The following RIMS2 variants were observed in gnomAD, a reference collection of about 807,000 sequenced individuals.
RIMS2 encodes the protein regulating synaptic membrane exocytosis protein 2.
In RIMS2, 59 loss-of-function variants were observed where a neutral mutation model predicts 174.4. The ratio of observed to expected loss-of-function variants is 0.34; its 90% CI spans 0.27 to 0.42. The LOEUF (loss-of-function observed/expected upper bound fraction) is 0.42. Ranked by LOEUF, RIMS2 falls within the 10% of genes least tolerant of loss-of-function variation. The pLI is 1.00. For missense variants in RIMS2, 1,620 were observed against 1,666.3 expected (o/e 0.97, Z 0.48); for synonymous variants, 606 against 572.5 (o/e 1.06, Z -0.84).
At chr8:104,220,753 C>A (rs2511572) in intron 19 of RIMS2, among the ~76,000 whole-genome samples, 114,437 of 151,852 alleles carry the variant, frequency 0.75, 44,384 homozygotes, top group African/African-American at 0.94. Context: ...AGGCATGACC[C>A]CCACACCTGG....
intron 19 of RIMS2, among the ~76,000 whole-genome samples, chr8:104,160,697 C>T (rs1235113379): frequency 1.3e-4 from 20 of 152,104 alleles, no homozygotes; most frequent in Admixed American, 1.3e-3. Flanking sequence ...ATTATTCATA[C>T]ATTTATTCAT....
intron 19 of RIMS2, among the ~76,000 whole-genome samples, chr8:104,064,395 A>G (rs1003685851): frequency 6.6e-6 from 1 of 152,112 alleles, no homozygotes; most frequent in African/African-American, 2.4e-5. Context: ...ATTCCTGAAC[A>G]TCCACATATG....
intron 3 of RIMS2, among the ~76,000 whole-genome samples, chr8:103,883,750 C>T (rs1341123089): frequency 6.6e-6 from 1 of 151,714 alleles, no homozygotes; most frequent in African/African-American, 2.4e-5. Context: ...ATACAGAAGC[C>T]ATTATTGTCA....
chr8:103,601,970 ATTTTTATTATTTATTTATT>A (rs2094771379), intron 1 of RIMS2, among the ~76,000 whole-genome samples: 1 of 151,602 alleles, frequency 6.6e-6, no homozygotes, highest in Non-Finnish European at 1.5e-5. Flanking sequence ...ATGCTTTTTT[ATTTTTATTATTTATTTATT>A]TTTTTGAGAT....
chr8:103,794,737 GA>G (rs1378693354), intron 3 of RIMS2, among the ~76,000 whole-genome samples: 2 of 151,962 alleles, frequency 1.3e-5, no homozygotes, highest in Non-Finnish European at 2.9e-5. Context: ...AAATTTACAA[GA>G]AAAAAATCAA....
At chr8:104,224,493 A>G (rs945961525) in intron 19 of RIMS2, among the ~76,000 whole-genome samples, 11 of 152,226 alleles carry the variant, frequency 7.2e-5, no homozygotes, top group Non-Finnish European at 1.2e-4. Flanking sequence ...TGAAAATACA[A>G]TTTGTCAATC....
chr8:103,802,226 T>C (rs2098614651), intron 3 of RIMS2, among the ~76,000 whole-genome samples: 1 of 152,198 alleles, frequency 6.6e-6, no homozygotes, highest in Non-Finnish European at 1.5e-5. Context: ...AAGTCTCTCA[T>C]GCATTAACAA....
At chr8:103,867,557 G>C (rs996013868) in intron 3 of RIMS2, among the ~76,000 whole-genome samples, 1 of 151,732 alleles carries the variant, frequency 6.6e-6, no homozygotes, top group Non-Finnish European at 1.5e-5. Flanking sequence ...AATAGTTAAG[G>C]TAAAAAGCTA....
chr8:103,735,395 T>A lies in RIMS2; in HGVS notation c.388-30832T>A, dbSNP rs1266441610. 3.3e-5 allele frequency among the ~76,000 whole-genome samples: 5 copies of A among 152,168 alleles called. No individual in the cohort carries two copies. In the East Asian group the frequency reaches 9.6e-4, roughly 29 times the overall value. ...TCCAGAAATTCTATTTTATTTCATA[T>A]ATGTTTAATCCTTTTTGGTGTTTTT... On this transcript the variant is annotated intron_variant, in intron 2 of 23. Transcript: ENST00000504942.
intron 2 of RIMS2, among the ~76,000 whole-genome samples, chr8:103,731,780 T>C (rs941353458): frequency 1.3e-5 from 2 of 152,200 alleles, no homozygotes; most frequent in African/African-American, 4.8e-5. Flanking sequence ...AACTCCAGAA[T>C]TTCTGCTTGA....
At chr8:104,070,239 T>C (rs907233008) in intron 19 of RIMS2, among the ~76,000 whole-genome samples, 2 of 152,212 alleles carry the variant, frequency 1.3e-5, no homozygotes, top group African/African-American at 2.4e-5. Context: ...ACTACCAGTC[T>C]CTTCCCCAGA....
intron 19 of RIMS2, among the ~76,000 whole-genome samples, chr8:104,093,097 T>C (rs542711173): frequency 7.4e-4 from 113 of 152,158 alleles, no homozygotes; most frequent in African/African-American, 2.4e-3. Context: ...TGAAGCATAA[T>C]GGATTAATTG....
At chr8:104,080,869 C>A (rs1045658159) in intron 19 of RIMS2, among the ~76,000 whole-genome samples, 2 of 151,924 alleles carry the variant, frequency 1.3e-5, no homozygotes, top group African/African-American at 4.8e-5. Flanking sequence ...TAAAATAATA[C>A]TCCAGTCTGG....
At chr8:103,593,187 A>G (rs2094338181) in intron 1 of RIMS2, among the ~76,000 whole-genome samples, 1 of 151,492 alleles carries the variant, frequency 6.6e-6, no homozygotes, top group South Asian at 2.1e-4. Flanking sequence ...GTTCACTACC[A>G]TGAATGTGAC....
At chr8:103,914,252 T>A (rs1010761280) in intron 6 of RIMS2, among the ~76,000 whole-genome samples, 11 of 152,182 alleles carry the variant, frequency 7.2e-5, no homozygotes, top group Non-Finnish European at 1.5e-4. Flanking sequence ...ACAATTTTTT[T>A]AATCCAGATA....
chr8:104,247,900 A>T (rs2099344972), intron 20 of RIMS2, among the ~76,000 whole-genome samples: 1 of 152,230 alleles, frequency 6.6e-6, no homozygotes, highest in Non-Finnish European at 1.5e-5. Flanking sequence ...TGAGATTATC[A>T]AGGGAATTCA....
chr8:103,703,719 T>C (rs2097193488), intron 2 of RIMS2, among the ~76,000 whole-genome samples: 1 of 152,196 alleles, frequency 6.6e-6, no homozygotes, highest in Admixed American at 6.5e-5. Flanking sequence ...TTTAGTTAAG[T>C]TTATTCCTAG....
chr8:103,773,036 T>G (rs1358716709), intron 3 of RIMS2, among the ~76,000 whole-genome samples: 3 of 152,102 alleles, frequency 2.0e-5, no homozygotes, highest in African/African-American at 4.8e-5. Flanking sequence ...TGGTTTAGGC[T>G]AAAACTGTAA....
chr8:103,990,487 T>C (rs1421662212), intron 17 of RIMS2, among the ~76,000 whole-genome samples: 1 of 152,078 alleles, frequency 6.6e-6, no homozygotes, highest in African/African-American at 2.4e-5. Context: ...TTATTTTCTT[T>C]TAATTTGCTT....
Sources: allele counts gnomAD v4.1 joint callset (sites outside exome capture counted in the v4.1 genomes callset), GRCh38; gene constraint gnomAD v4.1.1; transcripts MANE v1.5; gene names NCBI Gene and HGNC (gene_info 2026-07-23, HGNC 2026-07-21).